Variants in PTPRN2 observed in about 807,000 individuals in gnomAD.
PTPRN2 encodes the protein receptor-type tyrosine-protein phosphatase N2.
PTPRN2 carries 74 observed loss-of-function variants against 118.8 expected under a neutral mutation model. The observed-to-expected ratio is 0.62, with a 90% CI of 0.52 to 0.76. PTPRN2 has a LOEUF of 0.76. Among genes scored for constraint, PTPRN2 ranks in the 30% least tolerant of loss-of-function variants. PTPRN2 has a pLI of 0.00. For missense variants in PTPRN2, 1,481 were observed against 1,394.4 expected, an observed-to-expected ratio of 1.06 and a Z score of -0.99; for synonymous variants, 641 against 608.0, an observed-to-expected ratio of 1.05 and a Z score of -0.80.
chr7:158,397,976 G>A (rs1419085226), intron 2 of PTPRN2, among the ~76,000 whole-genome samples: 1 of 152,158 alleles, frequency 6.6e-6, no homozygotes, highest in Non-Finnish European at 1.5e-5. Context: ...CGGCCACTGA[G>A]GGTGGAACCA....
intron 11 of PTPRN2, among the ~76,000 whole-genome samples, chr7:157,948,143 A>G (rs554084605): frequency 6.6e-6 from 1 of 152,384 alleles, no homozygotes; most frequent in South Asian, 2.1e-4. Flanking sequence ...CTTCAGTAAA[A>G]TTAACTACAT....
At chr7:157,740,386 G>C (rs1016189821) in intron 12 of PTPRN2, 3 of 151,630 alleles carry the variant, frequency 2.0e-5, no homozygotes, top group Non-Finnish European at 4.4e-5. Flanking sequence ...CCACGGCAAC[G>C]CGGGAGCCTG....
intron 12 of PTPRN2, chr7:157,739,395 C>T (rs1306151308): frequency 1.3e-5 from 2 of 152,280 alleles, no homozygotes; most frequent in East Asian, 1.9e-4. Flanking sequence ...TCCAGAGTCT[C>T]GCAGCCTTTG....
chr7:157,809,009 G>A (rs963801862), intron 12 of PTPRN2, among the ~76,000 whole-genome samples: 5 of 152,146 alleles, frequency 3.3e-5, no homozygotes, highest in South Asian at 2.1e-4. Flanking sequence ...AGCACCTCCC[G>A]AAGTGTGCTG....
At chr7:158,396,597 C>T (rs994485372) in intron 2 of PTPRN2, among the ~76,000 whole-genome samples, 1 of 152,112 alleles carries the variant, frequency 6.6e-6, no homozygotes, top group African/African-American at 2.4e-5. Flanking sequence ...TGTTAGAGGC[C>T]ACCCAGAGCT....
At chr7:157,985,086 C>T (rs1803671668) in intron 11 of PTPRN2, among the ~76,000 whole-genome samples, 1 of 152,226 alleles carries the variant, frequency 6.6e-6, no homozygotes, top group Non-Finnish European at 1.5e-5. Context: ...TGCAGCCATC[C>T]TCTCCACAAT....
chr7:158,069,022 T>C (rs1280276511), intron 11 of PTPRN2, among the ~76,000 whole-genome samples: 1 of 152,192 alleles, frequency 6.6e-6, no homozygotes. Context: ...CTTCACGTGC[T>C]CTCTGTAAGC....
At chr7:157,721,449 G>A (rs753084146) in intron 12 of PTPRN2, among the ~76,000 whole-genome samples, 1 of 152,220 alleles carries the variant, frequency 6.6e-6, no homozygotes, top group Non-Finnish European at 1.5e-5. Context: ...GTCAGGGGAC[G>A]AGTGTCCATG....
At chr7:158,237,873 C>T (rs538991043) in intron 3 of PTPRN2, among the ~76,000 whole-genome samples, 47 of 152,232 alleles carry the variant, frequency 3.1e-4, no homozygotes, top group Non-Finnish European at 3.5e-4. Flanking sequence ...TGGGAGTGCA[C>T]GAAGGACACC....
chr7:158,013,159 G>C (rs1426497519), intron 11 of PTPRN2, among the ~76,000 whole-genome samples: 1 of 152,184 alleles, frequency 6.6e-6, no homozygotes, highest in African/African-American at 2.4e-5. Context: ...TCAAGCTTAG[G>C]AGGGCTTCCA....
chr7:158,580,973 A>T (rs1226516355), intron 1 of PTPRN2, among the ~76,000 whole-genome samples: 3 of 152,236 alleles, frequency 2.0e-5, no homozygotes, highest in Non-Finnish European at 4.4e-5. Context: ...AACCCAACTC[A>T]GAAAATCAAT....
chr7:157,578,162 G>A, intron 17 of PTPRN2, 22 bp from the exon 18 acceptor site: 6 of 1,594,090 alleles, frequency 3.8e-6, no homozygotes, highest in Non-Finnish European at 5.1e-6. Context: ...GAAGGCCCGT[G>A]GCCGCGGTGT....
intron 5 of PTPRN2, among the ~76,000 whole-genome samples, chr7:158,187,040 A>T (rs1323563880): frequency 6.6e-6 from 1 of 152,232 alleles, no homozygotes; most frequent in Non-Finnish European, 1.5e-5. Context: ...AAGGACTGTG[A>T]ACTGGTGCTA....
intron 5 of PTPRN2, among the ~76,000 whole-genome samples, chr7:158,190,591 G>A (rs1825680268): frequency 6.6e-6 from 1 of 152,194 alleles, no homozygotes; most frequent in South Asian, 2.1e-4. Flanking sequence ...GGGGCCCACA[G>A]AGCCCTGTGA....
At chr7:158,310,724 G>A (rs1020954835) in intron 3 of PTPRN2, among the ~76,000 whole-genome samples, 13 of 147,964 alleles carry the variant, frequency 8.8e-5, no homozygotes, top group African/African-American at 3.3e-4. Context: ...CGGACAGAGC[G>A]CAAGTCCCAC....
At position 158,270,830 on chromosome 7, in the gene PTPRN2, GGAT is replaced by G. The variant is rs1370739260; in HGVS notation, c.277+45986_277+45988del. 7.5e-3 allele frequency among the ~76,000 whole-genome samples: 44 copies of G among 5,844 alleles called. 4 individuals carry two copies. Among genetic ancestry groups the G allele is most frequent in the East Asian group, 0.026 (4 of 154 alleles). 3.8% of individuals were successfully genotyped at this position (5,844 alleles called of 152,430 possible). On this transcript the variant is annotated intron_variant, in intron 3 of 22. Coordinates refer to ENST00000389418, the MANE Select transcript of PTPRN2 (RefSeq NM_002847.5). Reference sequence around the variant, plus strand: ...CTCACCTGGACCGCCCCCTCCACCTGGATGACCCCCTCACCTGGACCGCCCCCC... The same window carrying G: ...CTCACCTGGACCGCCCCCTCCACCTGGACCCCCTCACCTGGACCGCCCCCC...
At chr7:157,749,234 T>C (rs1801269235) in intron 12 of PTPRN2, among the ~76,000 whole-genome samples, 2 of 129,982 alleles carry the variant, frequency 1.5e-5, no homozygotes, top group Admixed American at 1.6e-4. Flanking sequence ...AGCTGTGGGC[T>C]GTTGAGGTGA....
intron 2 of PTPRN2, among the ~76,000 whole-genome samples, chr7:158,361,605 C>A (rs572962458): frequency 6.6e-6 from 1 of 152,328 alleles, no homozygotes; most frequent in East Asian, 1.9e-4. Context: ...AGCTGAGCCA[C>A]AGACGATCTG....
chr7:157,644,199 T>C (rs778927885), intron 14 of PTPRN2, among the ~76,000 whole-genome samples: 7 of 152,206 alleles, frequency 4.6e-5, no homozygotes, highest in Non-Finnish European at 7.3e-5. Flanking sequence ...CAGACCAATC[T>C]GAGTGAGGTC....
Sources: gnomAD v4.1 joint callset for allele counts (sites outside exome capture counted in the v4.1 genomes callset) on GRCh38, gnomAD v4.1.1 for gene constraint, MANE v1.5 for transcripts, NCBI Gene and HGNC (gene_info 2026-07-23, HGNC 2026-07-21) for gene names.